The following SPATA6 variants were observed in gnomAD, a reference collection of about 807,000 sequenced individuals.
SPATA6 encodes spermatogenesis-associated protein 6.
In SPATA6, 56 loss-of-function variants were observed where a neutral mutation model predicts 65.3. The ratio of observed to expected loss-of-function variants is 0.86; its 90% CI spans 0.69 to 1.07. SPATA6 has a LOEUF of 1.07. Ranked by LOEUF, SPATA6 falls within the 50% of genes least tolerant of loss-of-function variation. SPATA6 has a pLI of 0.00. For missense variants in SPATA6, 590 were observed against 594.8 expected (o/e 0.99, Z 0.08); for synonymous variants, 199 against 213.2 (o/e 0.93, Z 0.58).
At chr1:48,380,731 G>A (rs914286844) in intron 9 of SPATA6, among the ~76,000 whole-genome samples, 1 of 152,136 alleles carries the variant, frequency 6.6e-6, no homozygotes, top group African/African-American at 2.4e-5. Context: ...GTACATTTGT[G>A]TGTAGAACAA....
intron 1 of SPATA6, among the ~76,000 whole-genome samples, chr1:48,455,703 T>C (rs1329635578): frequency 6.6e-6 from 1 of 152,162 alleles, no homozygotes; most frequent in Non-Finnish European, 1.5e-5. Flanking sequence ...TTTTTAAATG[T>C]AGCTATTAGA....
At position 48,395,261 on chromosome 1, in the gene SPATA6, G is replaced by A. The variant is rs756660696; in HGVS notation, c.868+6C>T. The A allele has an allele frequency of 6.5e-7, 1 of 1,537,744 alleles. No homozygotes were observed. The highest frequency in any genetic ancestry group is 1.3e-5 in the South Asian group (1 of 79,246). The stretch of plus-strand genomic sequence containing the variant: ...CAGCAATGAATAAAGACAACTTCTA[G>A]CTTACCATTGTGCACCCTTGACCAT... On this transcript the variant is annotated splice_donor_region_variant and intron_variant, in intron 8 of 12. Coordinates refer to ENST00000371847, the MANE Select transcript of SPATA6 (RefSeq NM_019073.4).
At chr1:48,399,971 AAAC>A (rs1651006290) in intron 6 of SPATA6, among the ~76,000 whole-genome samples, 1 of 968 alleles carries the variant, frequency 1.0e-3, no homozygotes, top group Non-Finnish European at 0.016. Context: ...AAAAAAGTGC[AAAC>A]ATTGGTTACA....
intron 11 of SPATA6, among the ~76,000 whole-genome samples, chr1:48,332,058 C>T (rs1224376855): frequency 6.6e-6 from 1 of 152,124 alleles, no homozygotes; most frequent in African/African-American, 2.4e-5. Context: ...CGAGACCTAC[C>T]TTACAAGAGC....
intron 3 of SPATA6, among the ~76,000 whole-genome samples, chr1:48,431,400 C>A (rs1654391092): frequency 6.6e-6 from 1 of 151,942 alleles, no homozygotes; most frequent in South Asian, 2.1e-4. Context: ...CCTAAAAAAA[C>A]ACACACACAA....
intron 9 of SPATA6, among the ~76,000 whole-genome samples, chr1:48,369,503 G>A (rs1647160375): frequency 6.6e-6 from 1 of 152,198 alleles, no homozygotes; most frequent in African/African-American, 2.4e-5. Context: ...CCCCAGCCTG[G>A]CTGCCGCCTT....
At chr1:48,461,622 T>C (rs1570646924) in intron 1 of SPATA6, among the ~76,000 whole-genome samples, 1 of 152,098 alleles carries the variant, frequency 6.6e-6, no homozygotes, top group Admixed American at 6.5e-5. Context: ...ATCAGAGAAA[T>C]GCAAATCAAA....
At chr1:48,436,742 G>C in intron 3 of SPATA6, 1 of 1,614,194 alleles carries the variant, frequency 6.2e-7, no homozygotes, top group Non-Finnish European at 8.5e-7. Context: ...ATTACAGCAT[G>C]TGAATTAGCC....
intron 11 of SPATA6, among the ~76,000 whole-genome samples, chr1:48,312,316 C>G (rs188489600): frequency 6.6e-6 from 1 of 152,200 alleles, no homozygotes; most frequent in Non-Finnish European, 1.5e-5. Context: ...AGGCACCCCC[C>G]AGTAGGGGCA....
chr1:48,445,636 GGAGA>G (rs1557719562), intron 3 of SPATA6, among the ~76,000 whole-genome samples: 1 of 130,066 alleles, frequency 7.7e-6, no homozygotes. Context: ...CTCCAGACTG[GGAGA>G]GAGAGTGAGA....
At chr1:48,351,029 T>G (rs1252160656) in intron 11 of SPATA6, among the ~76,000 whole-genome samples, 1 of 151,968 alleles carries the variant, frequency 6.6e-6, no homozygotes, top group Admixed American at 6.6e-5. Flanking sequence ...TTCCTTGATT[T>G]CTTTCAGTAG....
chr1:48,310,452 C>G (rs1422879432), intron 11 of SPATA6, among the ~76,000 whole-genome samples: 3 of 152,194 alleles, frequency 2.0e-5, no homozygotes. Flanking sequence ...TGCCATAAAA[C>G]TTACTGTCCC....
chr1:48,411,605 C>G lies in SPATA6; in HGVS notation c.281-17G>C. On this transcript the variant is annotated splice_polypyrimidine_tract_variant and intron_variant, in intron 4 of 12. Transcript: ENST00000371847. ...TTTCACCCACTACAAGAAAGATACC[C>G]TATGATTCAAATTATAATAAAATAT... 1 of 1,520,202 alleles carries G rather than the reference C, an allele frequency of 6.6e-7. No homozygotes were observed. The highest frequency in any genetic ancestry group is 1.4e-5 in the South Asian group (1 of 71,246). The allele number at this position is 1,520,202 out of a possible 1,614,324, so 94.2% of individuals were successfully genotyped here.
intron 11 of SPATA6, among the ~76,000 whole-genome samples, chr1:48,338,099 A>C (rs1174330576): frequency 6.6e-6 from 1 of 152,054 alleles, no homozygotes; most frequent in Non-Finnish European, 1.5e-5. Context: ...AAACTACATT[A>C]TTAGTACAAA....
rs114849695 is a variant in SPATA6 at position 48,344,721 on chromosome 1, G to A, written c.1194+10949C>T. ...AATGGAAAACAGAAATCGGGATTGC[G>A]ATTCTAGTTTCTAACAAAACAGACT... On this transcript the variant is annotated intron_variant, in intron 11 of 12. Transcript: ENST00000371847. Among the ~76,000 whole-genome samples, 452 of 151,998 alleles carry A rather than the reference G, an allele frequency of 3.0e-3. 2 individuals carry two copies. Among genetic ancestry groups the A allele is most frequent in the African/African-American group, 0.01 (422 of 41,506 alleles).
chr1:48,440,913 A>T (rs1050567874), intron 3 of SPATA6, among the ~76,000 whole-genome samples: 1 of 152,190 alleles, frequency 6.6e-6, no homozygotes, highest in Admixed American at 6.5e-5. Context: ...GAAAAGAGAG[A>T]TCAGACAAAG....
intron 5 of SPATA6, among the ~76,000 whole-genome samples, chr1:48,408,501 CCTA>C (rs1403308691): frequency 6.6e-6 from 1 of 152,176 alleles, no homozygotes. Flanking sequence ...TATCTAAACT[CCTA>C]CTAACAGACA....
intron 3 of SPATA6, among the ~76,000 whole-genome samples, chr1:48,448,711 G>C (rs1370468246): frequency 6.6e-6 from 1 of 151,940 alleles, no homozygotes; most frequent in Non-Finnish European, 1.5e-5. Context: ...GCAATAAAAA[G>C]GAATGAACTA....
intron 9 of SPATA6, among the ~76,000 whole-genome samples, chr1:48,370,752 ACAG>A (rs1177954847): frequency 6.6e-6 from 1 of 152,186 alleles, no homozygotes; most frequent in Non-Finnish European, 1.5e-5. Flanking sequence ...GCAAAATCAA[ACAG>A]CTGTTAAGCA....
Sources: gnomAD v4.1 joint callset for allele counts (sites outside exome capture counted in the v4.1 genomes callset) on GRCh38, gnomAD v4.1.1 for gene constraint, MANE v1.5 for transcripts, NCBI Gene and HGNC (gene_info 2026-07-23, HGNC 2026-07-21) for gene names.